Variants in XDH observed in about 807,000 individuals in gnomAD.
XDH encodes the protein xanthine dehydrogenase.
A neutral mutation model predicts 156.1 loss-of-function variants in XDH; 138 were observed. The observed-to-expected ratio is 0.88, with a 90% CI of 0.77 to 1.02. XDH has a LOEUF of 1.02. Among genes scored for constraint, XDH ranks in the 50% least tolerant of loss-of-function variants. The pLI is 0.00. For missense variants in XDH, 1,849 were observed against 1,684.9 expected (o/e 1.10, Z -1.71); for synonymous variants, 669 against 625.7 (o/e 1.07, Z -1.03).
chr2:31,340,079 C>T (rs1685085192), intron 33 of XDH, among the ~76,000 whole-genome samples: 1 of 152,238 alleles, frequency 6.6e-6, no homozygotes, highest in African/African-American at 2.4e-5. Context: ...CCCACCCCTG[C>T]CTGTCCTCTG....
intron 9 of XDH, 170 bp from the exon 10 acceptor site, chr2:31,384,017 G>A: frequency 1.5e-6 from 1 of 686,430 alleles, no homozygotes; most frequent in South Asian, 1.6e-5. Context: ...GACCAGGGGT[G>A]GGATTAGATG....
intron 8 of XDH, among the ~76,000 whole-genome samples, chr2:31,387,250 G>C (rs1235876325): frequency 6.6e-6 from 1 of 152,190 alleles, no homozygotes; most frequent in African/African-American, 2.4e-5. Flanking sequence ...ACTCTGAGAA[G>C]TGTGCACTTC....
chr2:31,388,325 G>A (rs1172857885), intron 6 of XDH, 30 bp from the exon 7 acceptor site: 2 of 1,609,408 alleles, frequency 1.2e-6, no homozygotes, highest in African/African-American at 1.3e-5. Context: ...CTGCACAAGG[G>A]TATTTACAAA....
rs775646772 is a variant in XDH at position 31,366,061 on chromosome 2, G to A, written c.2371C>T (p.Arg791Ter). 9.9e-6 allele frequency: 16 copies of A among 1,614,154 alleles called. No homozygotes were observed. Among genetic ancestry groups the A allele is most frequent in the East Asian group, 2.2e-5 (1 of 44,870 alleles). Residue 791 changes from arginine to a stop codon, truncating the protein, a stop_gained, in exon 22 of 36, where the codon CGA becomes TGA. Transcript: ENST00000379416. LOFTEE classifies it high-confidence loss of function. Reference sequence around the variant, plus strand: ...AAGCCTCCTCCCATTCTCTTCACTCGAACCACAATCCGGTTTGCTGGAACC... The same window carrying A: ...AAGCCTCCTCCCATTCTCTTCACTCAAACCACAATCCGGTTTGCTGGAACC... ...LGVPANRIVVRVKRMGGGFGG... is the reference protein window; with the variant it reads ...LGVPANRIVV
chr2:31,365,909 T>C lies in XDH; in HGVS notation c.2456+67A>G, dbSNP rs539456969. 37 of 1,612,142 alleles carry C rather than the reference T, an allele frequency of 2.3e-5. No individual in the cohort carries two copies. The South Asian group carries it at 4.1e-4, about 18-fold the overall frequency. On this transcript the variant is annotated intron_variant, in intron 22 of 35. Coordinates refer to ENST00000379416, the MANE Select transcript of XDH (RefSeq NM_000379.4). ...CTAACAGGGGGAAGTCCTGAAAACC[T>C]TCCTGGCACAGACAGCCTTATTCTT...
chr2:31,339,508 T>C lies in XDH; in HGVS notation c.3755A>G (p.Lys1252Arg). Residue 1252 changes from lysine to arginine, a missense_variant, in exon 34 of 36, where the codon AAG becomes AGG. Lys to Arg is a conservative substitution (Grantham distance 26, BLOSUM62 2). Coordinates refer to ENST00000379416, the MANE Select transcript of XDH (RefSeq NM_000379.4). Reference sequence around the variant, plus strand: ...TGGTACCTTCGATGCATAGATGGCCTTCTTGTTGGGGCAGTCGCGGAGCAG... The same window carrying C: ...TGGTACCTTCGATGCATAGATGGCCCTCTTGTTGGGGCAGTCGCGGAGCAG... Reference protein sequence around the residue: ...VSLLRDCPNKKAIYASKAVGE... With the variant: ...VSLLRDCPNKRAIYASKAVGE... The C allele has an allele frequency of 6.2e-7, 1 of 1,614,180 alleles. No individual in the cohort carries two copies. Among genetic ancestry groups the C allele is most frequent in the Non-Finnish European group, 8.5e-7 (1 of 1,180,046 alleles).
At chr2:31,398,414 G>T (rs1425422849) in intron 5 of XDH, among the ~76,000 whole-genome samples, 159 bp downstream of exon 5, 1 of 152,210 alleles carries the variant, frequency 6.6e-6, no homozygotes, top group African/African-American at 2.4e-5. Context: ...AGTAAGAGAG[G>T]GTTGGCTTTC....
At chr2:31,358,895 G>A (rs574410593) in intron 24 of XDH, among the ~76,000 whole-genome samples, 12 of 152,196 alleles carry the variant, frequency 7.9e-5, no homozygotes, top group African/African-American at 2.6e-4. Context: ...GTTCTGCAAG[G>A]TCTGGCTAGC....
At chr2:31,349,287 G>A (rs1376251002) in intron 26 of XDH, among the ~76,000 whole-genome samples, 1 of 152,208 alleles carries the variant, frequency 6.6e-6, no homozygotes. Context: ...CTGTGAGGAA[G>A]ACAGAGCCAG....
Position 31,342,047 on chromosome 2 carries a change from T to C in XDH, c.3519+136A>G, listed in dbSNP as rs1685137134. Reference sequence around the variant, plus strand: ...AAAACACTTACTCTGTGGCCCTTTATAGGATGTTTGCCTATCCTTAATGGA... The same window carrying C: ...AAAACACTTACTCTGTGGCCCTTTACAGGATGTTTGCCTATCCTTAATGGA... On this transcript the variant is annotated intron_variant, in intron 32 of 35. Coordinates refer to ENST00000379416, the MANE Select transcript of XDH (RefSeq NM_000379.4). 5 of 779,216 alleles carry C rather than the reference T, an allele frequency of 6.4e-6. No individual in the cohort carries two copies. In the Admixed American group the frequency reaches 8.2e-5, roughly 13 times the overall value. 48.3% of individuals were successfully genotyped at this position (779,216 alleles called of 1,614,324 possible). A position where few individuals can be genotyped will look rare whatever the true frequency, so the allele number is the denominator to read the frequency against.
In XDH at chr2:31,340,721, C is replaced by T. The variant is rs547579590; in HGVS notation, c.3585+608G>A. On this transcript the variant is annotated intron_variant, in intron 33 of 35. Transcript: ENST00000379416. The stretch of plus-strand genomic sequence containing the variant: ...CTGATCTCAGGTGATCTGCCTGCCT[C>T]GGCCTCCCAGAGTGCTGGGATTACA... Among the ~76,000 whole-genome samples the T allele has an allele frequency of 1.6e-4, 24 of 152,260 alleles. 2 individuals carry two copies. In the South Asian group the frequency reaches 4.8e-3, roughly 30 times the overall value.
At chr2:31,388,003 C>A (rs528148888) in intron 7 of XDH, 106 bp from the exon 8 acceptor site, 2 of 1,332,214 alleles carry the variant, frequency 1.5e-6, no homozygotes, top group South Asian at 1.3e-5. Context: ...CAGCCCCCTG[C>A]AGGCTGCAAG....
At chr2:31,358,144 C>T (rs1013146986) in intron 24 of XDH, among the ~76,000 whole-genome samples, 4 of 152,076 alleles carry the variant, frequency 2.6e-5, no homozygotes, top group African/African-American at 7.2e-5. Flanking sequence ...GTACATTCTT[C>T]TCAGCACCAC....
Position 31,347,595 on chromosome 2 carries a change from C to T in XDH, c.3203G>A (p.Ser1068Asn), listed in dbSNP as rs186225688. ...AGAGGTGTTGGGCACAGTGTTAGTG[C>T]TTGTCTCGCTGATATAAATCTTAGA... ...PTSKIYISET[S>N]TNTVPNTSPT... Residue 1068 changes from serine (S) to asparagine (N), a missense_variant, in exon 29 of 36, where the codon AGC becomes AAC. Physicochemically the swap from Ser to Asn is conservative, Grantham distance 46. Coordinates refer to ENST00000379416, the MANE Select transcript of XDH (RefSeq NM_000379.4). The T allele has an allele frequency of 6.2e-6, 10 of 1,614,162 alleles. No individual in the cohort carries two copies. In the Admixed American group the frequency reaches 8.3e-5, roughly 13 times the overall value.
chr2:31,367,731 A>G (rs1456329332), intron 20 of XDH, among the ~76,000 whole-genome samples: 1 of 152,134 alleles, frequency 6.6e-6, no homozygotes, highest in Non-Finnish European at 1.5e-5. Context: ...ATACTCTAGA[A>G]TCTCTCTAGA....
rs1687118474 is a variant in XDH, at chr2:31,403,528, TG to T, written c.101-385del. Among the ~76,000 whole-genome samples the T allele has an allele frequency of 5.9e-5, 9 of 152,302 alleles. No individual in the cohort carries two copies. The South Asian group carries it at 1.9e-3, about 32-fold the overall frequency. ...GGGCAGTTCTCACATCACTCCCAGC[TG>T]GGCACACCATGAAGCCACTTGGGCC... On this transcript the variant is annotated intron_variant, in intron 2 of 35. Coordinates refer to ENST00000379416, the MANE Select transcript of XDH (RefSeq NM_000379.4).
rs45604135 is a variant in XDH at position 31,348,331 on chromosome 2, G to C, written c.3084C>G (p.Gly1028=). 1 of 1,614,184 alleles carries C rather than the reference G, an allele frequency of 6.2e-7. No individual in the cohort carries two copies. Among genetic ancestry groups the C allele is most frequent in the Non-Finnish European group, 8.5e-7 (1 of 1,180,046 alleles). ...TCCCCCCGTGGGTCAGCAGCACAGA[G>C]CCATCTGTGTACACATGAAGTAGGG... ...AGALLHVYTD[G]SVLLTHGGTE... The change falls in exon 28 of 36, where the codon GGC becomes GGG. Residue 1028 remains glycine (G), a synonymous_variant. Transcript: ENST00000379416.
rs1686214172 is a variant in XDH, at chr2:31,375,299, G to A, written c.1602+81C>T. On this transcript the variant is annotated intron_variant, in intron 15 of 35. Transcript: ENST00000379416. ...CTGCCCTCAGATGTCCAGAGGAGAGGAGCAAATTTACTACCCAGACCAACT... is the reference window on the plus strand; with the variant it reads ...CTGCCCTCAGATGTCCAGAGGAGAGAAGCAAATTTACTACCCAGACCAACT... 3.8e-6 allele frequency: 6 copies of A among 1,576,350 alleles called. No individual in the cohort carries two copies. The South Asian group carries it at 4.5e-5, about 12-fold the overall frequency.
intron 9 of XDH, chr2:31,384,095 A>C: frequency 1.5e-5 from 7 of 462,046 alleles, no homozygotes; most frequent in Non-Finnish European, 2.4e-5. Flanking sequence ...CTGAATTCAA[A>C]TGAAATGAGT....
Sources: gnomAD v4.1 joint callset for allele counts (sites outside exome capture counted in the v4.1 genomes callset) on GRCh38, gnomAD v4.1.1 for gene constraint, MANE v1.5 for transcripts, NCBI Gene and HGNC (gene_info 2026-07-23, HGNC 2026-07-21) for gene names.